The following MAST4 variants were observed in gnomAD, a reference collection of about 807,000 sequenced individuals.
MAST4 encodes microtubule associated serine/threonine kinase family member 4.
MAST4 carries 89 observed loss-of-function variants against 162.7 expected under a neutral mutation model. That is an observed-to-expected ratio of 0.55 (90% CI 0.46 to 0.65). MAST4 has a LOEUF of 0.65. Ranked by LOEUF, MAST4 falls within the 30% of genes least tolerant of loss-of-function variation. The probability of loss-of-function intolerance (pLI) is 0.00; values close to 1 mark genes in which losing one functional copy is unlikely to be tolerated. For missense variants in MAST4, 3,153 were observed against 3,374.0 expected (o/e 0.93, Z 1.62); for synonymous variants, 1,479 against 1,361.1 (o/e 1.09, Z -1.91).
At chr5:67,078,702 A>G (rs1251320713) in intron 5 of MAST4, among the ~76,000 whole-genome samples, 2 of 136,402 alleles carry the variant, frequency 1.5e-5, no homozygotes, top group African/African-American at 2.8e-5. Context: ...ATATATTTAT[A>G]TATAATATTT....
At chr5:66,797,538 C>T (rs1218466086) in intron 3 of MAST4, among the ~76,000 whole-genome samples, 18 of 152,114 alleles carry the variant, frequency 1.2e-4, no homozygotes, top group Admixed American at 1.0e-3. Flanking sequence ...AATGGATTCC[C>T]TCTTATTTGA....
chr5:67,146,597 C>A (rs751276846), intron 23 of MAST4, among the ~76,000 whole-genome samples: 1 of 151,854 alleles, frequency 6.6e-6, no homozygotes, highest in Admixed American at 6.6e-5. Context: ...ATAGTGTAAG[C>A]TTTTTTTTAA....
intron 5 of MAST4, among the ~76,000 whole-genome samples, chr5:67,086,582 A>C (rs534915669): frequency 6.6e-6 from 1 of 152,330 alleles, no homozygotes; most frequent in East Asian, 1.9e-4. Context: ...AAACATCAGC[A>C]GCGATACCAG....
At chr5:66,842,359 C>T (rs1292424675) in intron 3 of MAST4, among the ~76,000 whole-genome samples, 1 of 152,104 alleles carries the variant, frequency 6.6e-6, no homozygotes. Flanking sequence ...ACAAAATTTG[C>T]CAAACACCTT....
chr5:66,679,719 GC>G (rs554290044), intron 1 of MAST4, among the ~76,000 whole-genome samples: 108 of 152,102 alleles, frequency 7.1e-4, no homozygotes, highest in Middle Eastern at 3.4e-3. Context: ...GTGTGGGGTT[GC>G]AGGCTCTCCA....
chr5:67,098,435 A>G (rs1030523201), intron 7 of MAST4, among the ~76,000 whole-genome samples: 1 of 152,208 alleles, frequency 6.6e-6, no homozygotes, highest in African/African-American at 2.4e-5. Flanking sequence ...GAATTGTATC[A>G]GTAGGAAGAC....
At chr5:67,040,444 C>G (rs1448664906) in intron 4 of MAST4, among the ~76,000 whole-genome samples, 1 of 152,094 alleles carries the variant, frequency 6.6e-6, no homozygotes, top group Non-Finnish European at 1.5e-5. Flanking sequence ...GAGGAAGGAG[C>G]GTCTATATCG....
intron 1 of MAST4, among the ~76,000 whole-genome samples, chr5:66,730,909 A>G (rs1009627870): frequency 6.6e-6 from 1 of 152,180 alleles, no homozygotes; most frequent in Non-Finnish European, 1.5e-5. Flanking sequence ...AATGTTGGAA[A>G]ATGAGAAACT....
chr5:67,130,803 A>G (rs1056399112), intron 15 of MAST4, among the ~76,000 whole-genome samples: 1 of 152,300 alleles, frequency 6.6e-6, no homozygotes, highest in Middle Eastern at 3.4e-3. Flanking sequence ...TTTTCAGTCT[A>G]TAGTATGAAA....
Position 67,164,523 on chromosome 5 carries a change from A to G in MAST4, c.5344A>G (p.Arg1782Gly). Reference protein sequence around the residue: ...PGLVAPESPVRKSPSEYKLEG... With the variant: ...PGLVAPESPVGKSPSEYKLEG... ...CTTGGTTGCTCCTGAGTCCCCTGTT[A>G]GGAAGAGCCCCTCCGAGTATAAGCT... Residue 1782 changes from arginine (R) to glycine (G), a missense_variant, in exon 29 of 29, where the codon AGG becomes GGG. Arg to Gly is a moderately radical substitution (Grantham distance 125). Coordinates refer to ENST00000403625, the MANE Select transcript of MAST4 (RefSeq NM_001164664.2). This position sits in a 1 kb window ranked among gnomAD's most constrained non-coding sequence, Gnocchi z 5.3. The G allele has an allele frequency of 6.2e-7, 1 of 1,613,978 alleles. No homozygotes were observed. The highest frequency in any genetic ancestry group is 8.5e-7 in the Non-Finnish European group (1 of 1,179,884).
chr5:67,145,018 C>T, intron 22 of MAST4, 126 bp from the exon 23 acceptor site: 1 of 915,316 alleles, frequency 1.1e-6, no homozygotes. Flanking sequence ...ACATTAAGAA[C>T]CATTGCACTA....
At chr5:67,052,136 GTTT>G (rs1159262892) in intron 4 of MAST4, among the ~76,000 whole-genome samples, 2 of 152,088 alleles carry the variant, frequency 1.3e-5, no homozygotes, top group Admixed American at 6.5e-5. Context: ...GAGGTAATTT[GTTT>G]TTAACTTCTC....
At chr5:66,863,101 T>C (rs952274742) in intron 3 of MAST4, among the ~76,000 whole-genome samples, 4 of 152,202 alleles carry the variant, frequency 2.6e-5, no homozygotes, top group Non-Finnish European at 5.9e-5. Context: ...TTCTTTTGAG[T>C]TGAGACTGCA....
At chr5:66,793,995 G>C (rs1262467597) in intron 3 of MAST4, among the ~76,000 whole-genome samples, 5 of 152,170 alleles carry the variant, frequency 3.3e-5, no homozygotes, top group African/African-American at 9.7e-5. Flanking sequence ...CTGGCACATA[G>C]TAGGGTGCTC....
At chr5:66,655,406 A>G (rs1398559684) in intron 1 of MAST4, among the ~76,000 whole-genome samples, 3 of 152,230 alleles carry the variant, frequency 2.0e-5, no homozygotes, top group African/African-American at 4.8e-5. Flanking sequence ...GGTCAGTAAT[A>G]AAAGATGACA....
intron 3 of MAST4, 32 bp from the exon 4 acceptor site, chr5:66,899,919 T>C: frequency 1.3e-6 from 2 of 1,493,984 alleles, no homozygotes; most frequent in Non-Finnish European, 1.8e-6. Context: ...TAATGCAGCA[T>C]TGCTTATATA....
At chr5:66,899,876 C>A in intron 3 of MAST4, 75 bp from the exon 4 acceptor site, 1 of 1,165,110 alleles carries the variant, frequency 8.6e-7, no homozygotes, top group Non-Finnish European at 1.2e-6. Context: ...ATACATTCTA[C>A]GTTATCCATT....
chr5:66,882,906 A>T (rs1761781368), intron 3 of MAST4, among the ~76,000 whole-genome samples: 1 of 152,172 alleles, frequency 6.6e-6, no homozygotes, highest in Non-Finnish European at 1.5e-5. Context: ...CTACTTGAAA[A>T]ATTACCGATA....
chr5:66,959,381 A>G (rs1745723770), intron 4 of MAST4: 1 of 765,164 alleles, frequency 1.3e-6, no homozygotes, highest in South Asian at 1.4e-5. Flanking sequence ...ATTTGTTTGT[A>G]CTGACAGCCT....
Sources: gnomAD v4.1 joint callset for allele counts (sites outside exome capture counted in the v4.1 genomes callset) on GRCh38, gnomAD v4.1.1 for gene constraint, Gnocchi (gnomAD v3.1) non-coding constraint, MANE v1.5 for transcripts, NCBI Gene and HGNC (gene_info 2026-07-23, HGNC 2026-07-21) for gene names.